The following DLEU7 variants were observed in gnomAD, a reference collection of about 807,000 sequenced individuals.
DLEU7 encodes the protein deleted in lymphocytic leukemia 7.
In DLEU7, 17 loss-of-function variants were observed where a neutral mutation model predicts 16.0. The observed-to-expected ratio is 1.06, with a 90% CI of 0.73 to 1.59. The LOEUF (loss-of-function observed/expected upper bound fraction) is 1.59, where lower values mean the gene tolerates loss of function less well. DLEU7 is among the 40% of genes most tolerant of loss of function. The pLI, the probability that DLEU7 is intolerant of heterozygous loss-of-function variation, is 0.00. For missense variants in DLEU7, 308 were observed against 314.9 expected (o/e 0.98, Z 0.17); for synonymous variants, 113 against 139.8 (o/e 0.81, Z 1.35).
At chr13:50,841,291 A>C (rs1394112667) in intron 1 of DLEU7, among the ~76,000 whole-genome samples, 4 of 152,162 alleles carry the variant, frequency 2.6e-5, no homozygotes, top group African/African-American at 7.2e-5. Flanking sequence ...TATTGAACTT[A>C]ACTGTAGTTC....
At chr13:50,746,174 G>C (rs959665957) in intron 1 of DLEU7, among the ~76,000 whole-genome samples, 2 of 152,150 alleles carry the variant, frequency 1.3e-5, no homozygotes, top group Non-Finnish European at 2.9e-5. Flanking sequence ...CACACAGTAA[G>C]TTCTGTGCAA....
intron 1 of DLEU7, among the ~76,000 whole-genome samples, chr13:50,735,810 G>A (rs1487964737): frequency 1.3e-5 from 2 of 151,980 alleles, no homozygotes; most frequent in Non-Finnish European, 2.9e-5. Context: ...AATGAATACC[G>A]CCTCACATCA....
chr13:50,724,174 G>T (rs959813176), intron 1 of DLEU7, among the ~76,000 whole-genome samples: 3 of 152,248 alleles, frequency 2.0e-5, no homozygotes, highest in African/African-American at 7.2e-5. Flanking sequence ...TTTAGAATAT[G>T]CAGTCCTTTA....
chr13:50,738,998 C>A (rs1593535435), intron 1 of DLEU7, among the ~76,000 whole-genome samples: 1 of 104,084 alleles, frequency 9.6e-6, no homozygotes, highest in African/African-American at 6.2e-5. Context: ...CACACACACA[C>A]ACACACGCAC....
chr13:50,764,440 G>T (rs572062568), intron 1 of DLEU7, among the ~76,000 whole-genome samples: 1 of 152,112 alleles, frequency 6.6e-6, no homozygotes, highest in African/African-American at 2.4e-5. Flanking sequence ...AACTAACAAC[G>T]AACAAAACCT....
chr13:50,812,810 T>C (rs1181437557), intron 1 of DLEU7, among the ~76,000 whole-genome samples: 1 of 151,904 alleles, frequency 6.6e-6, no homozygotes, highest in Non-Finnish European at 1.5e-5. Flanking sequence ...AGTAAAGCCA[T>C]AGGTAAATAA....
intron 1 of DLEU7, among the ~76,000 whole-genome samples, chr13:50,790,370 T>C (rs1019949105): frequency 2.0e-5 from 3 of 152,158 alleles, no homozygotes; most frequent in African/African-American, 7.2e-5. Context: ...GTTTTCCTTC[T>C]CCCAAATCCT....
intron 1 of DLEU7, among the ~76,000 whole-genome samples, chr13:50,760,305 C>A (rs1874890568): frequency 6.6e-6 from 1 of 152,160 alleles, no homozygotes; most frequent in Non-Finnish European, 1.5e-5. Flanking sequence ...CTTTCAATTA[C>A]ACTTACAAAT....
chr13:50,805,914 GA>G (rs1876376370), intron 1 of DLEU7, among the ~76,000 whole-genome samples: 1 of 152,160 alleles, frequency 6.6e-6, no homozygotes, highest in Admixed American at 6.5e-5. Context: ...TACAGTGGCA[GA>G]ATTTGATAGT....
At position 50,823,368 on chromosome 13, in the gene DLEU7, G is replaced by C. The variant is rs555490228; in HGVS notation, c.612C>G (p.His204Gln). ...GTCTCAAGGAAGCACAGGCTACCATGTGGGCATCTGAAGGAAAATTAGCAA... is the reference window on the plus strand; with the variant it reads ...GTCTCAAGGAAGCACAGGCTACCATCTGGGCATCTGAAGGAAAATTAGCAA... ...QSLANFPSDA[H>Q]MVACASLRQI... The change falls in exon 2 of 2, where the codon CAC becomes CAG. Residue 204 changes from histidine (H) to glutamine (Q), a missense_variant. By Grantham distance (24) the His-to-Gln change is conservative (BLOSUM62 0). Coordinates refer to ENST00000504404, the MANE Select transcript of DLEU7 (RefSeq NM_001306135.2). The C allele has an allele frequency of 2.5e-5, 39 of 1,535,870 alleles. 1 individual carries two copies. Among genetic ancestry groups the C allele is most frequent in the South Asian group, 1.5e-4 (13 of 84,064 alleles).
At chr13:50,831,019 A>G (rs932969033) in intron 1 of DLEU7, among the ~76,000 whole-genome samples, 1 of 149,342 alleles carries the variant, frequency 6.7e-6, no homozygotes, top group Non-Finnish European at 1.5e-5. Flanking sequence ...GCTCATGGAT[A>G]TGGAAGCTCT....
intron 1 of DLEU7, among the ~76,000 whole-genome samples, chr13:50,826,516 A>G (rs1377284575): frequency 6.6e-6 from 1 of 152,226 alleles, no homozygotes; most frequent in Non-Finnish European, 1.5e-5. Context: ...ATGCAAGATT[A>G]CAAGTTGAAG....
chr13:50,822,043 T>G (rs1643879645), downstream of DLEU7, among the ~76,000 whole-genome samples: 1 of 151,938 alleles, frequency 6.6e-6, no homozygotes, highest in African/African-American at 2.4e-5. Flanking sequence ...CTCATGCACA[T>G]GTACACACAT....
At chr13:50,781,379 C>T (rs555125294) in intron 1 of DLEU7, among the ~76,000 whole-genome samples, 37 of 152,350 alleles carry the variant, frequency 2.4e-4, no homozygotes, top group African/African-American at 8.4e-4. Flanking sequence ...GAAAACTCCA[C>T]TGTATACCAG....
At chr13:50,755,447 C>G (rs1332162735) in intron 1 of DLEU7, among the ~76,000 whole-genome samples, 1 of 152,112 alleles carries the variant, frequency 6.6e-6, no homozygotes, top group East Asian at 1.9e-4. Context: ...TGTCTTTAAG[C>G]TCTGAATTTC....
chr13:50,760,887 C>A (rs1874908325), intron 1 of DLEU7, among the ~76,000 whole-genome samples: 1 of 152,144 alleles, frequency 6.6e-6, no homozygotes, highest in Non-Finnish European at 1.5e-5. Flanking sequence ...TCATCAGATA[C>A]CCCTGGCAGT....
At chr13:50,725,052 T>C (rs1424063317) in intron 1 of DLEU7, among the ~76,000 whole-genome samples, 1 of 151,642 alleles carries the variant, frequency 6.6e-6, no homozygotes, top group Non-Finnish European at 1.5e-5. Flanking sequence ...TGGTCCGGGC[T>C]GACTGTATGT....
At chr13:50,758,574 C>G (rs1283149274) in intron 1 of DLEU7, among the ~76,000 whole-genome samples, 1 of 152,192 alleles carries the variant, frequency 6.6e-6, no homozygotes, top group Non-Finnish European at 1.5e-5. Context: ...GGCTGTGGGG[C>G]TGTGGTCTCC....
At chr13:50,768,549 C>T (rs866119629) in intron 1 of DLEU7, among the ~76,000 whole-genome samples, 10 of 151,526 alleles carry the variant, frequency 6.6e-5, no homozygotes, top group Middle Eastern at 6.4e-3. Flanking sequence ...GTTTTCTGTC[C>T]TTGCAAGAGT....
Sources: gnomAD v4.1 joint callset for allele counts (sites outside exome capture counted in the v4.1 genomes callset) on GRCh38, gnomAD v4.1.1 for gene constraint, MANE v1.5 for transcripts, NCBI Gene and HGNC (gene_info 2026-07-23, HGNC 2026-07-21) for gene names.